The following CERKL variants were observed in gnomAD, a reference collection of about 807,000 sequenced individuals.
The protein encoded by CERKL is CERK like autophagy regulator.
A neutral mutation model predicts 63.4 loss-of-function variants in CERKL; 61 were observed. The ratio of observed to expected loss-of-function variants is 0.96; its 90% confidence interval spans 0.78 to 1.19. The LOEUF is 1.19. Among genes scored for constraint, CERKL ranks in the 50% most tolerant of loss-of-function variants. CERKL has a pLI of 0.00. For missense variants in CERKL, 675 were observed against 655.5 expected (o/e 1.03, Z -0.33); for synonymous variants, 250 against 230.5 (o/e 1.08, Z -0.77).
intron 3 of CERKL, among the ~76,000 whole-genome samples, chr2:181,568,052 T>G (rs987510957): frequency 6.6e-6 from 1 of 152,208 alleles, no homozygotes; most frequent in Non-Finnish European, 1.5e-5. Context: ...TACAGGTCTT[T>G]GAACACAATT....
intron 1 of CERKL, among the ~76,000 whole-genome samples, chr2:181,622,885 T>C (rs1559110891): frequency 6.6e-6 from 1 of 152,168 alleles, no homozygotes; most frequent in Non-Finnish European, 1.5e-5. Context: ...TGGAAACACA[T>C]AAAATCTTTC....
At chr2:181,544,136 A>G (rs189898872) in intron 11 of CERKL, among the ~76,000 whole-genome samples, 1 of 152,218 alleles carries the variant, frequency 6.6e-6, no homozygotes, top group African/African-American at 2.4e-5. Flanking sequence ...TGCCAAAATA[A>G]TATGGCTTGT....
chr2:181,589,147 T>A (rs1183778678), intron 2 of CERKL, among the ~76,000 whole-genome samples: 1 of 152,136 alleles, frequency 6.6e-6, no homozygotes, highest in Admixed American at 6.6e-5. Context: ...TTAAAAATGA[T>A]TGCCAGACTT....
chr2:181,652,391 G>A (rs536182633), intron 1 of CERKL, among the ~76,000 whole-genome samples: 1 of 152,202 alleles, frequency 6.6e-6, no homozygotes, highest in Non-Finnish European at 1.5e-5. Context: ...CATGCACTGG[G>A]AAAAAGACAG....
At chr2:181,549,783 A>G in intron 5 of CERKL, 75 bp from the exon 6 acceptor site, 1 of 936,456 alleles carries the variant, frequency 1.1e-6, no homozygotes, top group Non-Finnish European at 1.8e-6. Flanking sequence ...TACTTTATGT[A>G]GATGTCATTC....
At chr2:181,575,839 C>T (rs1689113290) in intron 2 of CERKL, among the ~76,000 whole-genome samples, 1 of 152,178 alleles carries the variant, frequency 6.6e-6, no homozygotes, top group Non-Finnish European at 1.5e-5. Flanking sequence ...TCCACCCCAT[C>T]CCCACTTTTG....
At chr2:181,653,459 A>T (rs1318467178) in intron 1 of CERKL, among the ~76,000 whole-genome samples, 3 of 152,260 alleles carry the variant, frequency 2.0e-5, no homozygotes, top group African/African-American at 7.2e-5. Flanking sequence ...CTGCAATCCC[A>T]TATTTACTGC....
At chr2:181,597,197 T>C (rs1685253779) in intron 2 of CERKL, among the ~76,000 whole-genome samples, 1 of 152,212 alleles carries the variant, frequency 6.6e-6, no homozygotes, top group African/African-American at 2.4e-5. Flanking sequence ...CCTATTCTTT[T>C]ATTGAGCAAA....
At chr2:181,644,119 G>A (rs1000656957) in intron 1 of CERKL, among the ~76,000 whole-genome samples, 1 of 151,900 alleles carries the variant, frequency 6.6e-6, no homozygotes, top group African/African-American at 2.4e-5. Flanking sequence ...ACGCAAATAA[G>A]TCTGTGGCAT....
At chr2:181,638,113 G>C (rs1266382511) in intron 1 of CERKL, among the ~76,000 whole-genome samples, 3 of 152,152 alleles carry the variant, frequency 2.0e-5, no homozygotes, top group Non-Finnish European at 2.9e-5. Flanking sequence ...ACTTGAATTG[G>C]AAGTATCAGC....
At chr2:181,581,773 T>C (rs1039415505) in intron 2 of CERKL, among the ~76,000 whole-genome samples, 8 of 151,946 alleles carry the variant, frequency 5.3e-5, no homozygotes, top group African/African-American at 1.9e-4. Flanking sequence ...GGGCTCAAGG[T>C]TGATCTGTTT....
At chr2:181,636,248 C>A (rs531872799) in intron 1 of CERKL, among the ~76,000 whole-genome samples, 1 of 152,268 alleles carries the variant, frequency 6.6e-6, no homozygotes, top group South Asian at 2.1e-4. Flanking sequence ...TACTATCTAT[C>A]CCACTGCCCA....
At chr2:181,540,829 T>C (rs528915986) in intron 11 of CERKL, among the ~76,000 whole-genome samples, 12 of 152,114 alleles carry the variant, frequency 7.9e-5, no homozygotes, top group Admixed American at 2.0e-4. Flanking sequence ...GGGAGTGCCA[T>C]GATGGTGCAA....
intron 1 of CERKL, among the ~76,000 whole-genome samples, chr2:181,619,982 A>C (rs7593471): frequency 9.9e-5 from 15 of 152,106 alleles, no homozygotes; most frequent in Non-Finnish European, 1.6e-4. Flanking sequence ...TACTTCTTTC[A>C]TTTAACAAGT....
chr2:181,598,422 T>C (rs989728405), intron 2 of CERKL, among the ~76,000 whole-genome samples: 2 of 152,052 alleles, frequency 1.3e-5, no homozygotes, highest in African/African-American at 4.8e-5. Flanking sequence ...GCAGATCACA[T>C]TCCTGCATGA....
chr2:181,595,872 G>C (rs992199116), intron 2 of CERKL, among the ~76,000 whole-genome samples: 1 of 152,050 alleles, frequency 6.6e-6, no homozygotes, highest in Non-Finnish European at 1.5e-5. Context: ...TTATTATGAA[G>C]ATTTAATGAG....
At chr2:181,643,220 T>G (rs1687523698) in intron 1 of CERKL, among the ~76,000 whole-genome samples, 1 of 152,194 alleles carries the variant, frequency 6.6e-6, no homozygotes, top group African/African-American at 2.4e-5. Flanking sequence ...AGTTCATAGG[T>G]GGTCAGAACT....
chr2:181,620,123 A>G (rs904347783), intron 1 of CERKL, among the ~76,000 whole-genome samples: 1 of 152,194 alleles, frequency 6.6e-6, no homozygotes, highest in Non-Finnish European at 1.5e-5. Context: ...TGTGGCCTGA[A>G]CTTGCTGGAC....
chr2:181,605,934 G>A (rs555096810), intron 1 of CERKL, among the ~76,000 whole-genome samples: 135 of 151,846 alleles, frequency 8.9e-4, no homozygotes, highest in Non-Finnish European at 1.5e-3. Context: ...GCATTCTCAG[G>A]GGCATTTTTG....
Sources: allele counts gnomAD v4.1 joint callset (sites outside exome capture counted in the v4.1 genomes callset), GRCh38; gene constraint gnomAD v4.1.1; transcripts MANE v1.5; gene names NCBI Gene and HGNC (gene_info 2026-07-23, HGNC 2026-07-21).